TMEM232: variants seen among roughly 807,000 people sequenced by gnomAD.
The protein encoded by TMEM232 is transmembrane protein 232.
In TMEM232, 80 loss-of-function variants were observed where a neutral mutation model predicts 78.8. The observed-to-expected ratio is 1.01, with a 90% CI of 0.85 to 1.22. The LOEUF (loss-of-function observed/expected upper bound fraction) is 1.22. Ranked by LOEUF, TMEM232 falls within the 50% of genes most tolerant of loss-of-function variation. The pLI is 0.00. For missense variants in TMEM232, 881 were observed against 742.2 expected (o/e 1.19, Z -2.17); for synonymous variants, 297 against 254.3 (o/e 1.17, Z -1.60).
At chr5:110,416,205 C>G (rs1032452533), downstream of TMEM232, among the ~76,000 whole-genome samples, 2 of 152,162 alleles carry the variant, frequency 1.3e-5, no homozygotes, top group East Asian at 1.9e-4. Flanking sequence ...GTACAAGGAG[C>G]CTTACAGATA....
intron 10 of TMEM232, among the ~76,000 whole-genome samples, chr5:110,587,529 A>G (rs1027345779): frequency 1.3e-5 from 2 of 151,748 alleles, no homozygotes; most frequent in Non-Finnish European, 2.9e-5. Flanking sequence ...AGTCATTACT[A>G]CATTTAGTTG....
chr5:110,694,099 G>A (rs79332250), intron 1 of TMEM232, among the ~76,000 whole-genome samples: 14 of 152,090 alleles, frequency 9.2e-5, no homozygotes, highest in Admixed American at 3.3e-4. Flanking sequence ...GACTAACAGC[G>A]GATCTCTCGG....
intron 10 of TMEM232, among the ~76,000 whole-genome samples, chr5:110,583,897 A>C (rs1778492205): frequency 6.6e-6 from 1 of 151,308 alleles, no homozygotes; most frequent in South Asian, 2.1e-4. Flanking sequence ...CAATATCACT[A>C]ATTATCAAGG....
chr5:110,530,172 T>C (rs73783611), intron 11 of TMEM232, among the ~76,000 whole-genome samples: 4,427 of 152,168 alleles, frequency 0.029, 72 homozygotes, highest in African/African-American at 0.047. Context: ...AAAAGTATAG[T>C]AGAGAAAATG....
intron 12 of TMEM232, among the ~76,000 whole-genome samples, chr5:110,498,215 A>G (rs547273139): frequency 5.9e-5 from 9 of 152,324 alleles, no homozygotes; most frequent in Admixed American, 2.6e-4. Context: ...CAAGAAGAAA[A>G]TTACAATGTC....
At chr5:110,449,122 C>T (rs1759985853) in intron 12 of TMEM232, among the ~76,000 whole-genome samples, 1 of 151,948 alleles carries the variant, frequency 6.6e-6, no homozygotes, top group South Asian at 2.1e-4. Flanking sequence ...TCAAGAGTTG[C>T]AATTCTATTT....
chr5:110,521,807 A>T (rs1190346234), intron 12 of TMEM232, among the ~76,000 whole-genome samples: 2 of 152,124 alleles, frequency 1.3e-5, no homozygotes, highest in African/African-American at 4.8e-5. Context: ...ATTCTGTTTC[A>T]TTTAGCCTAT....
chr5:110,728,151 A>C (rs1798336627), upstream of TMEM232, among the ~76,000 whole-genome samples: 1 of 152,080 alleles, frequency 6.6e-6, no homozygotes, highest in African/African-American at 2.4e-5. Context: ...TAGAGAAAAA[A>C]AGTCACCCCA....
chr5:110,518,454 A>C (rs28464907), intron 12 of TMEM232, among the ~76,000 whole-genome samples: 22,390 of 152,034 alleles, frequency 0.15, 2,029 homozygotes, highest in African/African-American at 0.25. Flanking sequence ...CTTAGAACTG[A>C]CATTTTCATT....
Position 110,519,062 on chromosome 5 carries a change from A to C in TMEM232, c.1703+9526T>G, listed in dbSNP as rs532272396. Among the ~76,000 whole-genome samples, 8 of 152,330 alleles carry C rather than the reference A, an allele frequency of 5.3e-5. No homozygotes were observed. In the South Asian group the frequency reaches 1.7e-3, roughly 32 times the overall value. On this transcript the variant is annotated intron_variant, in intron 12 of 13. Transcript: ENST00000455884. ...GGCAGAATAATACAGAAACAGAAAT[A>C]ATTACAGGACCACAATGGACTACGT... is the stretch of plus-strand genomic sequence containing the variant.
chr5:110,645,519 C>G lies in TMEM232; in HGVS notation c.126-3148G>C, dbSNP rs560202922. 2.7e-5 allele frequency among the ~76,000 whole-genome samples: 4 copies of G among 149,770 alleles called. No homozygotes were observed. In the South Asian group the frequency reaches 8.4e-4, roughly 31 times the overall value. On this transcript the variant is annotated intron_variant, in intron 2 of 13. Coordinates refer to ENST00000455884, the MANE Select transcript of TMEM232 (RefSeq NM_001039763.4). ...CATTTGCCAAAGTTTAACTTCCATT[C>G]ATGATTAAAATTCTCAAGAAAATAG...
chr5:110,485,515 A>G (rs1165601169), intron 12 of TMEM232, among the ~76,000 whole-genome samples: 2 of 152,048 alleles, frequency 1.3e-5, no homozygotes, highest in Non-Finnish European at 2.9e-5. Context: ...ATGCTTTTGC[A>G]TCCTCATAGC....
intron 12 of TMEM232, among the ~76,000 whole-genome samples, chr5:110,518,588 A>T (rs985061118): frequency 1.3e-5 from 2 of 152,092 alleles, no homozygotes; most frequent in Non-Finnish European, 2.9e-5. Context: ...CCAAATCTAT[A>T]TGTCTTCCTC....
downstream of TMEM232, among the ~76,000 whole-genome samples, chr5:110,415,597 A>G (rs559179848): frequency 2.1e-4 from 32 of 151,964 alleles, no homozygotes; most frequent in South Asian, 5.6e-3. Flanking sequence ...CTTAGTTATC[A>G]TGATGGAGAA....
At chr5:110,468,905 T>C (rs553461555) in intron 12 of TMEM232, among the ~76,000 whole-genome samples, 1 of 152,298 alleles carries the variant, frequency 6.6e-6, no homozygotes, top group African/African-American at 2.4e-5. Context: ...AGAAACCATG[T>C]AGAGCACAAA....
At chr5:110,534,897 CAAATA>C (rs1162761917) in intron 11 of TMEM232, among the ~76,000 whole-genome samples, 12 of 152,026 alleles carry the variant, frequency 7.9e-5, no homozygotes, top group Non-Finnish European at 1.5e-4. Context: ...TTCTAAATGA[CAAATA>C]TTTCTTCTAA....
At chr5:110,487,664 G>T (rs545469265) in intron 12 of TMEM232, among the ~76,000 whole-genome samples, 1 of 152,174 alleles carries the variant, frequency 6.6e-6, no homozygotes, top group South Asian at 2.1e-4. Context: ...AAACCCACTT[G>T]ATGATGGTGG....
chr5:110,500,120 T>C (rs1198749227), intron 12 of TMEM232, among the ~76,000 whole-genome samples: 8 of 151,720 alleles, frequency 5.3e-5, no homozygotes. Context: ...AGTGAAACCC[T>C]GTCTCTAGTA....
chr5:110,562,221 A>T lies in TMEM232; in HGVS notation c.1455+6226T>A, dbSNP rs1775833089. 5.3e-5 allele frequency among the ~76,000 whole-genome samples: 8 copies of T among 152,154 alleles called. No individual in the cohort carries two copies. In the South Asian group the frequency reaches 1.7e-3, roughly 31 times the overall value. On this transcript the variant is annotated intron_variant, in intron 11 of 13. Coordinates refer to ENST00000455884, the MANE Select transcript of TMEM232 (RefSeq NM_001039763.4). ...TCCTCCACTTAGCATCTCTGTTTCCATGAAACCACCTAAGTCTCCATCACC... is the reference window on the plus strand; with the variant it reads ...TCCTCCACTTAGCATCTCTGTTTCCTTGAAACCACCTAAGTCTCCATCACC...
Sources: allele counts gnomAD v4.1 joint callset (sites outside exome capture counted in the v4.1 genomes callset), GRCh38; gene constraint gnomAD v4.1.1; transcripts MANE v1.5; gene names NCBI Gene and HGNC (gene_info 2026-07-23, HGNC 2026-07-21).